Variants in ST3GAL1 observed in about 807,000 individuals in gnomAD.
The protein encoded by ST3GAL1 is CMP-N-acetylneuraminate-beta-galactosamide-alpha-2,3-sialyltransferase 1.
A neutral mutation model predicts 34.1 loss-of-function variants in ST3GAL1; 16 were observed. The ratio of observed to expected loss-of-function variants is 0.47; its 90% CI spans 0.32 to 0.71. The LOEUF is 0.71. Ranked by LOEUF, ST3GAL1 falls within the 30% of genes least tolerant of loss-of-function variation. The pLI is 0.04. For synonymous variants in ST3GAL1, 191 were observed against 184.7 expected (o/e 1.03, Z -0.28); for missense variants, 353 against 447.4 (o/e 0.79, Z 1.90).
chr8:133,543,332 C>T (rs189830470), intron 2 of ST3GAL1, among the ~76,000 whole-genome samples: 1 of 152,264 alleles, frequency 6.6e-6, no homozygotes, highest in Admixed American at 6.5e-5. Flanking sequence ...TTTCTTTTGC[C>T]TTGAAGGAAT....
At chr8:133,473,911 C>G (rs1359886105) in intron 5 of ST3GAL1, among the ~76,000 whole-genome samples, 2 of 152,162 alleles carry the variant, frequency 1.3e-5, no homozygotes, top group African/African-American at 4.8e-5. Flanking sequence ...CCATGCCTGG[C>G]TCGCCACCTC....
At chr8:133,528,792 G>C (rs151085030) in intron 2 of ST3GAL1, among the ~76,000 whole-genome samples, 1 of 152,308 alleles carries the variant, frequency 6.6e-6, no homozygotes, top group African/African-American at 2.4e-5. Context: ...GGGTATTAGG[G>C]CTCCAAGGGT....
At chr8:133,549,583 TAA>T (rs1326447078) in intron 1 of ST3GAL1, among the ~76,000 whole-genome samples, 1 of 152,202 alleles carries the variant, frequency 6.6e-6, no homozygotes, top group East Asian at 1.9e-4. Flanking sequence ...TCATTGGTCT[TAA>T]GTTGGCTTTG....
chr8:133,564,064 T>C (rs545628857), intron 1 of ST3GAL1, among the ~76,000 whole-genome samples: 113 of 152,344 alleles, frequency 7.4e-4, no homozygotes, highest in African/African-American at 2.5e-3. Flanking sequence ...TTGCTGTGTG[T>C]CTCTTGTTTA....
At chr8:133,492,758 C>G (rs1468052691) in intron 3 of ST3GAL1, among the ~76,000 whole-genome samples, 1 of 152,200 alleles carries the variant, frequency 6.6e-6, no homozygotes, top group Non-Finnish European at 1.5e-5. Flanking sequence ...AACAGCCCGG[C>G]TCCAGAGGCC....
chr8:133,497,876 G>A (rs997376963), intron 3 of ST3GAL1, among the ~76,000 whole-genome samples: 1 of 152,164 alleles, frequency 6.6e-6, no homozygotes, highest in African/African-American at 2.4e-5. Context: ...TGTGATGGTA[G>A]TGGGGTATGG....
chr8:133,472,854 TG>T (rs1816021890), intron 5 of ST3GAL1, among the ~76,000 whole-genome samples: 1 of 138,882 alleles, frequency 7.2e-6, no homozygotes, highest in East Asian at 2.0e-4. Flanking sequence ...TAATTAGTAC[TG>T]AAAAAAAAAA....
chr8:133,488,874 G>GA (rs969580769), intron 3 of ST3GAL1, among the ~76,000 whole-genome samples: 8 of 152,124 alleles, frequency 5.3e-5, no homozygotes, highest in Non-Finnish European at 7.4e-5. Context: ...AGACAGGGGG[G>GA]GCCAGGCAAG....
rs1815671496 is a variant in ST3GAL1 at position 133,464,891 on chromosome 8, C to T, written c.570G>A (p.Val190=). 2.5e-6 allele frequency: 4 copies of T among 1,614,098 alleles called. No individual in the cohort carries two copies. Among genetic ancestry groups the T allele is most frequent in the East Asian group, 4.5e-5 (2 of 44,868 alleles). ...DVGTKTTHHL[V]YPESFRELGD... is the part of the protein sequence containing the mutation. ...CCAGCTCCCGGAAGCTCTCAGGGTA[C>T]ACCAGATGGTGGGTGGTCTTGGTCC... Residue 190 remains valine, a synonymous_variant, in exon 7 of 10, where the codon GTG becomes GTA. Coordinates refer to ENST00000522652, the MANE Select transcript of ST3GAL1 (RefSeq NM_173344.3).
chr8:133,561,947 T>G (rs1376095329), intron 1 of ST3GAL1, among the ~76,000 whole-genome samples: 1 of 151,776 alleles, frequency 6.6e-6, no homozygotes, highest in Non-Finnish European at 1.5e-5. Flanking sequence ...TCACCAAGAG[T>G]GATCCACAAT....
chr8:133,502,271 A>G (rs1817177815), intron 2 of ST3GAL1, among the ~76,000 whole-genome samples: 1 of 152,092 alleles, frequency 6.6e-6, no homozygotes, highest in East Asian at 1.9e-4. Context: ...GGCCCTTGCT[A>G]TGGAATGAAC....
At chr8:133,562,152 A>G (rs1819244222) in intron 1 of ST3GAL1, among the ~76,000 whole-genome samples, 1 of 151,856 alleles carries the variant, frequency 6.6e-6, no homozygotes, top group Non-Finnish European at 1.5e-5. Context: ...GAAGATCTGG[A>G]GGCAGAGGCC....
chr8:133,513,440 G>T (rs193050107), intron 2 of ST3GAL1, among the ~76,000 whole-genome samples: 6 of 152,254 alleles, frequency 3.9e-5, no homozygotes, highest in Admixed American at 6.5e-5. Context: ...AGTACGGAAG[G>T]CCTCCCATAT....
chr8:133,483,237 G>A (rs960636094), intron 3 of ST3GAL1, among the ~76,000 whole-genome samples: 1 of 152,180 alleles, frequency 6.6e-6, no homozygotes, highest in Non-Finnish European at 1.5e-5. Flanking sequence ...AGCTACTTAG[G>A]AGGCTGAGGC....
intron 2 of ST3GAL1, among the ~76,000 whole-genome samples, chr8:133,529,179 G>A (rs774650483): frequency 3.4e-4 from 51 of 152,208 alleles, no homozygotes; most frequent in Admixed American, 1.0e-3. Context: ...CAATGGGACC[G>A]GCTTTCTAGC....
intron 6 of ST3GAL1, among the ~76,000 whole-genome samples, chr8:133,465,241 GC>G (rs1815691441): frequency 6.6e-6 from 1 of 151,862 alleles, no homozygotes; most frequent in African/African-American, 2.4e-5. Context: ...CCCTTTTTTT[GC>G]AGTCAAGGAA....
At chr8:133,538,718 T>C (rs537719809) in intron 2 of ST3GAL1, among the ~76,000 whole-genome samples, 1 of 152,276 alleles carries the variant, frequency 6.6e-6, no homozygotes, top group South Asian at 2.1e-4. Flanking sequence ...AAAAACTCCT[T>C]GTGTGGCTCA....
chr8:133,516,211 G>C (rs1365207033), intron 2 of ST3GAL1: 4 of 152,086 alleles, frequency 2.6e-5, no homozygotes, highest in African/African-American at 9.7e-5. Context: ...TGCCTAGAAG[G>C]TATAATTTTA....
Position 133,556,880 on chromosome 8 carries a change from G to A in ST3GAL1, c.-581-10954C>T, listed in dbSNP as rs1265681054. ...AAACTAAGTGGAGGGAAGTGGGAGG[G>A]AGGTTGGCAGCGGTGCTATTAATGC... On this transcript the variant is annotated intron_variant, in intron 1 of 9. Transcript: ENST00000522652. This position sits in a 1 kb window ranked among gnomAD's most constrained non-coding sequence, Gnocchi z 8.9. 6.6e-6 allele frequency among the ~76,000 whole-genome samples: 1 copy of A among 152,148 alleles called. No individual in the cohort carries two copies. Among genetic ancestry groups the A allele is most frequent in the Non-Finnish European group, 1.5e-5 (1 of 68,042 alleles).
Sources: allele counts gnomAD v4.1 joint callset (sites outside exome capture counted in the v4.1 genomes callset), GRCh38; gene constraint gnomAD v4.1.1; non-coding constraint Gnocchi (gnomAD v3.1); transcripts MANE v1.5; gene names NCBI Gene and HGNC (gene_info 2026-07-23, HGNC 2026-07-21).